METTL21A: variants seen among roughly 807,000 people sequenced by gnomAD.
METTL21A encodes the protein methyltransferase 21A, HSPA lysine.
In METTL21A, 22 loss-of-function variants were observed where a neutral mutation model predicts 20.9. The ratio of observed to expected loss-of-function variants is 1.05; its 90% CI spans 0.75 to 1.50. The LOEUF is 1.50. Among genes scored for constraint, METTL21A ranks in the 40% most tolerant of loss-of-function variants. The pLI, the probability that METTL21A is intolerant of heterozygous loss-of-function variation, is 0.00. For synonymous variants in METTL21A, 93 were observed against 102.0 expected, an observed-to-expected ratio of 0.91 and a Z score of 0.53; for missense variants, 271 against 266.8, an observed-to-expected ratio of 1.02 and a Z score of -0.11.
At chr2:207,614,720 A>C (rs971287515) in intron 3 of METTL21A, among the ~76,000 whole-genome samples, 1 of 152,126 alleles carries the variant, frequency 6.6e-6, no homozygotes, top group Admixed American at 6.5e-5. Context: ...TTTTGAACCA[A>C]TGTGGGTAAG....
chr2:207,616,386 C>T (rs2089745378), intron 3 of METTL21A, among the ~76,000 whole-genome samples: 1 of 152,340 alleles, frequency 6.6e-6, no homozygotes, highest in African/African-American at 2.4e-5. Context: ...CTACTTCTAA[C>T]CTGGTAGGTA....
intron 3 of METTL21A, chr2:207,601,123 GCTTT>G (rs1221359161): frequency 2.4e-5 from 2 of 83,396 alleles, no homozygotes; most frequent in African/African-American, 6.1e-5. Flanking sequence ...TTTTCAAGAG[GCTTT>G]ATTTTTGTTG....
At chr2:207,624,595 C>A in intron 1 of METTL21A, 191 bp from the exon 2 acceptor site, 1 of 480,684 alleles carries the variant, frequency 2.1e-6, no homozygotes, top group Non-Finnish European at 3.6e-6. Flanking sequence ...GAATTTGTGT[C>A]AACGGATGTG....
intron 3 of METTL21A, among the ~76,000 whole-genome samples, chr2:207,583,865 G>A (rs1445702339): frequency 1.3e-5 from 2 of 152,114 alleles, no homozygotes; most frequent in South Asian, 2.1e-4. Context: ...GAAAACCAAT[G>A]AACTGTTTTC....
downstream of METTL21A, among the ~76,000 whole-genome samples, chr2:207,607,651 T>C (rs1189568256): frequency 1.6e-4 from 4 of 24,474 alleles, no homozygotes; most frequent in Non-Finnish European, 3.3e-4. Flanking sequence ...AACAGCATTC[T>C]TTACAGTGGG....
At chr2:207,581,910 T>C in exon 4 of METTL21A, 1 of 703,024 alleles carries the variant, frequency 1.4e-6, no homozygotes, top group Non-Finnish European at 2.6e-6. Context: ...CTGTTTTCTT[T>C]TAGAATATCC....
intron 3 of METTL21A, among the ~76,000 whole-genome samples, chr2:207,590,232 G>C (rs1007621311): frequency 1.7e-4 from 26 of 151,720 alleles, no homozygotes; most frequent in African/African-American, 6.0e-4. Flanking sequence ...TGTAGTGTTA[G>C]TTTATTATTC....
chr2:207,599,005 T>C (rs1185782052), intron 3 of METTL21A: 6 of 185,234 alleles, frequency 3.2e-5, no homozygotes, highest in Non-Finnish European at 6.8e-5. Context: ...GCTGGATCCA[T>C]TTTAAAATAA....
chr2:207,591,984 T>C lies in METTL21A; in HGVS notation c.260-9824A>G, dbSNP rs138676201. 6.3e-3 allele frequency among the ~76,000 whole-genome samples: 956 copies of C among 152,330 alleles called. 10 individuals are homozygous for C. Among genetic ancestry groups the C allele is most frequent in the African/African-American group, 0.021 (889 of 41,584 alleles). On this transcript the variant is annotated intron_variant, in intron 3 of 3. Coordinates refer to the METTL21A transcript ENST00000425132. ...TATAAATCCATGTTTTAATCTATTA[T>C]ATTTCTGCCTCAAAAACTCTTTTTT...
In METTL21A at chr2:207,581,704, A is replaced by G. The variant is rs114238214; in HGVS notation, c.*443T>C. 795 of 587,160 alleles carry G rather than the reference A, an allele frequency of 1.4e-3. 7 individuals are homozygous for G. The highest frequency in any genetic ancestry group is 0.013 in the African/African-American group (702 of 53,446). The allele number at this position is 587,160 out of a possible 1,614,324, so 36.4% of individuals were successfully genotyped here. On this transcript the variant is annotated 3_prime_UTR_variant, in exon 4 of 4. Coordinates refer to the METTL21A transcript ENST00000425132. ...TTTCTCTAATCTTAGTATATTACAT[A>G]ACCAGGGTACATTTATCAAAAATAA...
At chr2:207,588,558 G>A (rs1450374772) in intron 3 of METTL21A, among the ~76,000 whole-genome samples, 1 of 152,140 alleles carries the variant, frequency 6.6e-6, no homozygotes, top group Non-Finnish European at 1.5e-5. Context: ...TCTACGGAAA[G>A]TGTGCTAGAA....
At chr2:207,606,019 G>A (rs1404185096), downstream of METTL21A, among the ~76,000 whole-genome samples, 1 of 152,100 alleles carries the variant, frequency 6.6e-6, no homozygotes. Flanking sequence ...TCTCATCTCT[G>A]TTAATACTGT....
At chr2:207,581,143 A>G (rs1236486837), downstream of METTL21A, 1 of 214,898 alleles carries the variant, frequency 4.7e-6, no homozygotes, top group East Asian at 7.0e-5. Flanking sequence ...GGATTTGACC[A>G]TATAAAACTA....
At chr2:207,617,210 T>C (rs915805435) in intron 3 of METTL21A, among the ~76,000 whole-genome samples, 22 of 152,186 alleles carry the variant, frequency 1.4e-4, no homozygotes, top group African/African-American at 5.1e-4. Context: ...TACTATGTGC[T>C]AGAGATACAA....
chr2:207,597,171 A>C, intron 3 of METTL21A: 1 of 1,164,298 alleles, frequency 8.6e-7, no homozygotes, highest in Non-Finnish European at 1.2e-6. Context: ...CTATGCGCAA[A>C]ACTGCCTGAA....
At chr2:207,594,692 A>C (rs983526444) in intron 3 of METTL21A, among the ~76,000 whole-genome samples, 35 of 152,310 alleles carry the variant, frequency 2.3e-4, no homozygotes, top group African/African-American at 8.4e-4. Context: ...GTGTTCAGAT[A>C]TCTCTTCAAT....
intron 3 of METTL21A, among the ~76,000 whole-genome samples, chr2:207,587,141 C>A (rs976586171): frequency 6.6e-6 from 1 of 152,154 alleles, no homozygotes; most frequent in Non-Finnish European, 1.5e-5. Context: ...CGCCTGTAAT[C>A]CCAGCACTTT....
chr2:207,592,788 G>T (rs542619580), intron 3 of METTL21A, among the ~76,000 whole-genome samples: 1 of 151,950 alleles, frequency 6.6e-6, no homozygotes, highest in East Asian at 1.9e-4. Flanking sequence ...CCATGGTGGC[G>T]CATGCCTGTA....
chr2:207,595,998 CT>C (rs1411479116), intron 3 of METTL21A, among the ~76,000 whole-genome samples: 1 of 152,082 alleles, frequency 6.6e-6, no homozygotes, highest in Non-Finnish European at 1.5e-5. Context: ...TCCTATTTGT[CT>C]ATTTTTGCTT....
Sources: gnomAD v4.1 joint callset for allele counts (sites outside exome capture counted in the v4.1 genomes callset) on GRCh38, gnomAD v4.1.1 for gene constraint, MANE v1.5 for transcripts, NCBI Gene and HGNC (gene_info 2026-07-23, HGNC 2026-07-21) for gene names.